Variants in LRRTM4 observed in about 807,000 individuals in gnomAD.
LRRTM4 encodes the protein leucine rich repeat transmembrane neuronal 4, also known as leucine-rich repeat transmembrane neuronal protein 4.
A neutral mutation model predicts 47.6 loss-of-function variants in LRRTM4; 25 were observed. The observed-to-expected ratio is 0.53, with a 90% CI of 0.38 to 0.73. LRRTM4 has a LOEUF of 0.73. Ranked by LOEUF, LRRTM4 falls within the 30% of genes least tolerant of loss-of-function variation. The pLI is 0.00. For synonymous variants in LRRTM4, 311 were observed against 269.5 expected (o/e 1.15, Z -1.51); for missense variants, 638 against 713.4 (o/e 0.89, Z 1.20).
intron 3 of LRRTM4, among the ~76,000 whole-genome samples, chr2:77,407,661 T>TG: frequency 8.6e-6 from 1 of 116,292 alleles, no homozygotes; most frequent in Non-Finnish European, 1.7e-5. Context: ...TATATAATTA[T>TG]ATATAATAAT....
intron 3 of LRRTM4, among the ~76,000 whole-genome samples, chr2:77,309,187 A>C (rs1677376499): frequency 6.6e-6 from 1 of 152,146 alleles, no homozygotes; most frequent in African/African-American, 2.4e-5. Flanking sequence ...AGCACAGTTC[A>C]AATAATGCAC....
At chr2:77,360,489 TAC>T (rs1485572015) in intron 3 of LRRTM4, among the ~76,000 whole-genome samples, 13 of 140,388 alleles carry the variant, frequency 9.3e-5, no homozygotes, top group Admixed American at 2.1e-4. Context: ...TACGATACGA[TAC>T]GATACGATAC....
chr2:77,069,712 G>A (rs1680086922), intron 3 of LRRTM4, among the ~76,000 whole-genome samples: 1 of 148,004 alleles, frequency 6.8e-6, no homozygotes, highest in African/African-American at 2.5e-5. Flanking sequence ...CGAGAGCACA[G>A]GGCCTTCTAA....
At chr2:77,195,831 T>C (rs1239138007) in intron 3 of LRRTM4, among the ~76,000 whole-genome samples, 1 of 152,122 alleles carries the variant, frequency 6.6e-6, no homozygotes, top group Non-Finnish European at 1.5e-5. Context: ...TAGGGGGTGC[T>C]ATTAATTATG....
chr2:76,943,787 A>G (rs1242336839), intron 3 of LRRTM4, among the ~76,000 whole-genome samples: 1 of 152,170 alleles, frequency 6.6e-6, no homozygotes, highest in Non-Finnish European at 1.5e-5. Flanking sequence ...TAATCCACTC[A>G]TGTGTTTAAG....
intron 3 of LRRTM4, among the ~76,000 whole-genome samples, chr2:76,937,146 C>G: frequency 6.6e-6 from 1 of 151,610 alleles, no homozygotes; most frequent in South Asian, 2.1e-4. Flanking sequence ...TTTTATTACC[C>G]AACTCTAAAG....
chr2:77,197,134 G>C (rs1188473059), intron 3 of LRRTM4, among the ~76,000 whole-genome samples: 1 of 152,094 alleles, frequency 6.6e-6, no homozygotes, highest in African/African-American at 2.4e-5. Flanking sequence ...CATACAAATA[G>C]TAGGCATTCT....
intron 3 of LRRTM4, among the ~76,000 whole-genome samples, chr2:77,341,854 T>G (rs1414950789): frequency 6.6e-6 from 1 of 151,964 alleles, no homozygotes; most frequent in Non-Finnish European, 1.5e-5. Flanking sequence ...CAAAACTGTG[T>G]GACCAGTTTC....
At chr2:77,218,704 T>C (rs1479094049) in intron 3 of LRRTM4, among the ~76,000 whole-genome samples, 1 of 152,126 alleles carries the variant, frequency 6.6e-6, no homozygotes, top group African/African-American at 2.4e-5. Context: ...TCTCCTAACA[T>C]AGTCTTGAGG....
At chr2:76,893,588 G>A (rs1673320181) in intron 3 of LRRTM4, among the ~76,000 whole-genome samples, 1 of 151,274 alleles carries the variant, frequency 6.6e-6, no homozygotes, top group South Asian at 2.1e-4. Flanking sequence ...TCTAAACTAA[G>A]TCCTCTCCTA....
intron 3 of LRRTM4, among the ~76,000 whole-genome samples, chr2:76,833,028 T>TG (rs578100808): frequency 6.6e-6 from 1 of 152,052 alleles, no homozygotes; most frequent in Non-Finnish European, 1.5e-5. Flanking sequence ...GCTACTTTGG[T>TG]GGGAAGAGTG....
At chr2:76,831,129 A>G (rs1327673665) in intron 3 of LRRTM4, among the ~76,000 whole-genome samples, 1 of 151,998 alleles carries the variant, frequency 6.6e-6, no homozygotes, top group Non-Finnish European at 1.5e-5. Flanking sequence ...TTTATTTGTA[A>G]TTTTGAAATA....
intron 3 of LRRTM4, among the ~76,000 whole-genome samples, chr2:76,865,806 T>A (rs1173415036): frequency 6.6e-6 from 1 of 152,134 alleles, no homozygotes; most frequent in African/African-American, 2.4e-5. Flanking sequence ...TGGCCCTATT[T>A]AAAATAGAAA....
At chr2:77,213,502 A>G (rs1674332779) in intron 3 of LRRTM4, among the ~76,000 whole-genome samples, 1 of 152,202 alleles carries the variant, frequency 6.6e-6, no homozygotes, top group Non-Finnish European at 1.5e-5. Flanking sequence ...ACACACATAT[A>G]TTACATAGAG....
chr2:77,176,078 C>T lies in LRRTM4; in HGVS notation c.1551+342240G>A, dbSNP rs190493617. 3.5e-3 allele frequency among the ~76,000 whole-genome samples: 533 copies of T among 151,238 alleles called. 1 individual carries two copies. The highest frequency in any genetic ancestry group is 0.012 in the African/African-American group (502 of 41,212). On this transcript the variant is annotated intron_variant, in intron 3 of 3. Coordinates refer to ENST00000409884, the MANE Select transcript of LRRTM4 (RefSeq NM_001134745.3). ...ATAATTCATTATATTTAAGTTCTTT[C>T]GAACACCGGAGATCCCCTTAATGTG...
chr2:76,856,403 T>A (rs2103991580), intron 3 of LRRTM4, among the ~76,000 whole-genome samples: 1 of 152,342 alleles, frequency 6.6e-6, no homozygotes, highest in Non-Finnish European at 1.5e-5. Context: ...AAGTGCCTGT[T>A]AAGAAGGTCT....
intron 3 of LRRTM4, among the ~76,000 whole-genome samples, chr2:77,218,179 A>G: frequency 6.6e-6 from 1 of 152,064 alleles, no homozygotes; most frequent in East Asian, 1.9e-4. Context: ...TTTTTAGTAG[A>G]GATGGGGTTT....
chr2:76,945,510 T>C (rs1675292855), intron 3 of LRRTM4, among the ~76,000 whole-genome samples: 2 of 152,038 alleles, frequency 1.3e-5, no homozygotes, highest in African/African-American at 4.8e-5. Flanking sequence ...TATGATGCAA[T>C]GCAGAATATT....
chr2:77,202,763 G>A (rs1443932089), intron 3 of LRRTM4, among the ~76,000 whole-genome samples: 2 of 151,666 alleles, frequency 1.3e-5, no homozygotes, highest in Non-Finnish European at 2.9e-5. Flanking sequence ...TTATTTGTTT[G>A]TTTCATGTTA....
Sources: allele counts gnomAD v4.1 joint callset (sites outside exome capture counted in the v4.1 genomes callset), GRCh38; gene constraint gnomAD v4.1.1; transcripts MANE v1.5; gene names NCBI Gene and HGNC (gene_info 2026-07-23, HGNC 2026-07-21).